Variants in PARD3 observed in about 807,000 individuals in gnomAD.
PARD3 encodes par-3 family cell polarity regulator.
Under a neutral mutation model 155.4 loss-of-function variants are expected in PARD3, and 75 were observed. The observed-to-expected ratio is 0.48, with a 90% CI of 0.40 to 0.58. PARD3 has a LOEUF of 0.58. PARD3 is among the 20% of genes least tolerant of loss of function. The probability of loss-of-function intolerance (pLI) is 0.00; values close to 1 mark genes in which losing one functional copy is unlikely to be tolerated. For missense variants in PARD3, 1,642 were observed against 1,721.7 expected, an observed-to-expected ratio of 0.95 and a Z score of 0.82; for synonymous variants, 576 against 610.5, an observed-to-expected ratio of 0.94 and a Z score of 0.83.
rs955849504 is a variant in PARD3 at position 34,791,253 on chromosome 10, C to T, written c.120+23623G>A. On this transcript the variant is annotated intron_variant, in intron 1 of 24. Transcript: ENST00000374788. The stretch of plus-strand genomic sequence containing the variant: ...AGCTACATAGGGAGCCAACAGCCAA[C>T]GCAGGCAACCCTGACAGTCCCAGGT... Among the ~76,000 whole-genome samples the T allele has an allele frequency of 2.0e-4, 31 of 152,322 alleles. 1 individual carries two copies. Among genetic ancestry groups the T allele is most frequent in the African/African-American group, 7.5e-4 (31 of 41,568 alleles).
chr10:34,706,103 C>T (rs1275352101), intron 1 of PARD3, among the ~76,000 whole-genome samples: 3 of 152,186 alleles, frequency 2.0e-5, no homozygotes, highest in Non-Finnish European at 4.4e-5. Flanking sequence ...GCACAGGACA[C>T]AGCCAAGGCA....
At chr10:34,734,987 G>GGAA (rs1554822504) in intron 1 of PARD3, among the ~76,000 whole-genome samples, 7 of 131,866 alleles carry the variant, frequency 5.3e-5, no homozygotes, top group Non-Finnish European at 8.2e-5. Context: ...GGGCTTATGG[G>GGAA]AAAAAAAAAA....
chr10:34,241,524 C>T (rs1334156675), intron 22 of PARD3, among the ~76,000 whole-genome samples: 3 of 152,060 alleles, frequency 2.0e-5, no homozygotes, highest in Non-Finnish European at 4.4e-5. Flanking sequence ...AGGAAAAACA[C>T]AGAACAGAGG....
intron 4 of PARD3, among the ~76,000 whole-genome samples, chr10:34,463,147 GAAGGGA>G (rs1001510080): frequency 3.8e-5 from 5 of 132,004 alleles, no homozygotes; most frequent in Non-Finnish European, 6.5e-5. Flanking sequence ...AAGAGAAGGG[GAAGGGA>G]AAGGGGAAGG....
At chr10:34,463,875 T>C (rs1041688591) in intron 4 of PARD3, among the ~76,000 whole-genome samples, 1 of 152,192 alleles carries the variant, frequency 6.6e-6, no homozygotes, top group African/African-American at 2.4e-5. Flanking sequence ...TCAGTATAGC[T>C]ACATGCTATA....
chr10:34,136,459 T>C (rs1036717653), intron 22 of PARD3, among the ~76,000 whole-genome samples: 4 of 152,166 alleles, frequency 2.6e-5, no homozygotes, highest in African/African-American at 9.7e-5. Flanking sequence ...GAGAGTAGTT[T>C]TAAGATCCAG....
At chr10:34,237,463 T>A (rs189086496) in intron 22 of PARD3, among the ~76,000 whole-genome samples, 1 of 152,320 alleles carries the variant, frequency 6.6e-6, no homozygotes, top group Admixed American at 6.5e-5. Flanking sequence ...GTATATATAT[T>A]TTTTAACAAC....
intron 2 of PARD3, among the ~76,000 whole-genome samples, chr10:34,632,512 G>A (rs147958540): frequency 3.5e-4 from 53 of 152,318 alleles, no homozygotes; most frequent in African/African-American, 1.3e-3. Flanking sequence ...GACCAGAGAA[G>A]AACAGTATCT....
intron 2 of PARD3, among the ~76,000 whole-genome samples, chr10:34,542,966 T>C (rs1407311610): frequency 1.3e-5 from 2 of 152,216 alleles, no homozygotes; most frequent in African/African-American, 4.8e-5. Context: ...CATGAGAACA[T>C]GCTCAAGAGT....
At chr10:34,741,288 G>A (rs11009909) in intron 1 of PARD3, among the ~76,000 whole-genome samples, 50,619 of 149,976 alleles carry the variant, frequency 0.34, 8,868 homozygotes, top group Non-Finnish European at 0.38. Flanking sequence ...GGGCTCAAGT[G>A]ATCCTCCCAC....
At chr10:34,125,229 G>A (rs970759686) in intron 23 of PARD3, among the ~76,000 whole-genome samples, 11 of 152,124 alleles carry the variant, frequency 7.2e-5, no homozygotes, top group South Asian at 4.2e-4. Flanking sequence ...ACCACGCCCG[G>A]CTAATTTTTG....
At chr10:34,342,005 T>C (rs1223105986) in intron 15 of PARD3, among the ~76,000 whole-genome samples, 189 bp from the exon 16 acceptor site, 2 of 152,214 alleles carry the variant, frequency 1.3e-5, no homozygotes, top group African/African-American at 2.4e-5. Context: ...CTCGAGTCTA[T>C]TACTACCTCT....
At chr10:34,190,748 T>C (rs1950669834) in intron 22 of PARD3, among the ~76,000 whole-genome samples, 1 of 152,040 alleles carries the variant, frequency 6.6e-6, no homozygotes, top group African/African-American at 2.4e-5. Flanking sequence ...AAAGAGAGCG[T>C]GACAAATTCA....
chr10:34,128,917 T>A (rs1201066327), intron 23 of PARD3, among the ~76,000 whole-genome samples: 1 of 152,044 alleles, frequency 6.6e-6, no homozygotes, highest in Non-Finnish European at 1.5e-5. Context: ...AAGGTTTACA[T>A]CTAGTAGGGT....
intron 2 of PARD3, among the ~76,000 whole-genome samples, chr10:34,663,023 C>G (rs541437775): frequency 6.6e-6 from 1 of 152,202 alleles, no homozygotes; most frequent in Admixed American, 6.5e-5. Context: ...ATGATGGTTA[C>G]CAGAGGCTGG....
intron 2 of PARD3, among the ~76,000 whole-genome samples, chr10:34,609,268 C>T (rs906344924): frequency 1.4e-4 from 22 of 152,134 alleles, no homozygotes; most frequent in African/African-American, 5.1e-4. Context: ...TTAATATTCA[C>T]ACAACATTAA....
intron 2 of PARD3, among the ~76,000 whole-genome samples, chr10:34,615,159 CAGCCTGGGT>C (rs1217207673): frequency 6.6e-6 from 1 of 152,052 alleles, no homozygotes; most frequent in African/African-American, 2.4e-5. Context: ...CCAGCCTGGG[CAGCCTGGGT>C]GGCAGAGTGA....
chr10:34,249,813 A>G (rs1954185105), intron 22 of PARD3, among the ~76,000 whole-genome samples: 1 of 152,100 alleles, frequency 6.6e-6, no homozygotes, highest in Non-Finnish European at 1.5e-5. Flanking sequence ...TGAGAGCCAT[A>G]CTCCCTAGGT....
chr10:34,344,560 G>C (rs1455482057), intron 15 of PARD3: 1 of 980,900 alleles, frequency 1.0e-6, no homozygotes, highest in Non-Finnish European at 1.2e-6. Context: ...GGGATTACAG[G>C]CATAAGCCAC....
Sources: gnomAD v4.1 joint callset for allele counts (sites outside exome capture counted in the v4.1 genomes callset) on GRCh38, gnomAD v4.1.1 for gene constraint, MANE v1.5 for transcripts, NCBI Gene and HGNC (gene_info 2026-07-23, HGNC 2026-07-21) for gene names.